Variants in CCDC172 observed in about 807,000 individuals in gnomAD.
CCDC172 encodes coiled-coil domain-containing protein 172.
CCDC172 carries 30 observed loss-of-function variants against 38.0 expected under a neutral mutation model. That is an observed-to-expected ratio of 0.79 (90% CI 0.59 to 1.07). The LOEUF (loss-of-function observed/expected upper bound fraction) is 1.07. CCDC172 is among the 50% of genes least tolerant of loss of function. The pLI, the probability that CCDC172 is intolerant of heterozygous loss-of-function variation, is 0.00. For synonymous variants in CCDC172, 78 were observed against 88.3 expected (o/e 0.88, Z 0.66); for missense variants, 297 against 290.1 (o/e 1.02, Z -0.17).
Position 116,340,742 on chromosome 10 carries a change from G to GT in CCDC172, c.180dup (p.Glu61Ter), listed in dbSNP as rs779626879. 1 of 1,567,254 alleles carries GT rather than the reference G, an allele frequency of 6.4e-7. No individual in the cohort carries two copies. The highest frequency in any genetic ancestry group is 8.7e-7 in the Non-Finnish European group (1 of 1,146,204). On this transcript the variant is annotated frameshift_variant, in exon 4 of 9. Coordinates refer to ENST00000333254, the MANE Select transcript of CCDC172 (RefSeq NM_198515.3). LOFTEE classifies it high-confidence loss of function. ...GTTTTTGTACTTTGAAGGTTCAACA[G>GT]TTTTTTGAAAAATCCTTCTTCTTAC...
At chr10:116,342,608 T>G (rs1293595957) in intron 5 of CCDC172, among the ~76,000 whole-genome samples, 2 of 151,884 alleles carry the variant, frequency 1.3e-5, no homozygotes, top group East Asian at 3.9e-4. Context: ...CACAGTGGAG[T>G]GGAGAGAGTT....
intron 4 of CCDC172, among the ~76,000 whole-genome samples, chr10:116,341,730 T>G (rs1844797734): frequency 6.6e-6 from 1 of 151,854 alleles, no homozygotes; most frequent in South Asian, 2.1e-4. Flanking sequence ...AATTATAAAA[T>G]GTAATATGAT....
At chr10:116,340,029 T>A (rs1291245461) in intron 3 of CCDC172, among the ~76,000 whole-genome samples, 1 of 151,962 alleles carries the variant, frequency 6.6e-6, no homozygotes, top group Non-Finnish European at 1.5e-5. Flanking sequence ...GTATTTCCAG[T>A]CCAGCATCAT....
intron 5 of CCDC172, among the ~76,000 whole-genome samples, chr10:116,354,159 CAT>C (rs1452296324): frequency 2.6e-5 from 4 of 152,260 alleles, no homozygotes; most frequent in African/African-American, 9.6e-5. Flanking sequence ...CAACATATTA[CAT>C]GTTTTTGTGA....
Position 116,329,276 on chromosome 10 carries a change from T to C in CCDC172, c.165+3888T>C, listed in dbSNP as rs542475072. Among the ~76,000 whole-genome samples, 11 of 152,264 alleles carry C rather than the reference T, an allele frequency of 7.2e-5. No individual in the cohort carries two copies. In the South Asian group the frequency reaches 2.3e-3, roughly 32 times the overall value. On this transcript the variant is annotated intron_variant, in intron 3 of 8. Coordinates refer to ENST00000333254, the MANE Select transcript of CCDC172 (RefSeq NM_198515.3). ...GTCCTTTGAGTATTGTATTAGACATTGTCCAGTAGCTCACCTTCCTGAGGA... is the reference window on the plus strand; with the variant it reads ...GTCCTTTGAGTATTGTATTAGACATCGTCCAGTAGCTCACCTTCCTGAGGA...
intron 5 of CCDC172, among the ~76,000 whole-genome samples, chr10:116,356,735 T>C (rs1845001103): frequency 6.6e-6 from 1 of 152,188 alleles, no homozygotes; most frequent in African/African-American, 2.4e-5. Context: ...ATTAGCAATA[T>C]TGTGAAAGCT....
intron 7 of CCDC172, among the ~76,000 whole-genome samples, chr10:116,377,417 CT>C: frequency 6.6e-6 from 1 of 152,238 alleles, no homozygotes; most frequent in Non-Finnish European, 1.5e-5. Flanking sequence ...CTCTCATAAA[CT>C]TTAACAACTC....
intron 3 of CCDC172, among the ~76,000 whole-genome samples, chr10:116,332,413 G>GT (rs1485789216): frequency 6.6e-6 from 1 of 151,836 alleles, no homozygotes; most frequent in East Asian, 1.9e-4. Context: ...TTTTTTATTT[G>GT]TTTTTTGATG....
At chr10:116,365,140 G>C (rs772909216) in intron 7 of CCDC172, among the ~76,000 whole-genome samples, 1 of 152,042 alleles carries the variant, frequency 6.6e-6, no homozygotes, top group Non-Finnish European at 1.5e-5. Flanking sequence ...TATTGCTTTG[G>C]CTAGCTGCAA....
intron 3 of CCDC172, among the ~76,000 whole-genome samples, chr10:116,331,738 T>C (rs1844665605): frequency 6.6e-6 from 1 of 152,182 alleles, no homozygotes. Flanking sequence ...TTAGAAGAAC[T>C]TATCTCTCCT....
intron 3 of CCDC172, among the ~76,000 whole-genome samples, chr10:116,339,224 C>T (rs902136596): frequency 1.3e-5 from 2 of 151,928 alleles, no homozygotes; most frequent in African/African-American, 4.8e-5. Context: ...ATGCTCACAT[C>T]ATGATTTAGA....
chr10:116,376,933 TAGCC>T (rs1021071174), intron 7 of CCDC172, among the ~76,000 whole-genome samples: 1 of 152,040 alleles, frequency 6.6e-6, no homozygotes, highest in Non-Finnish European at 1.5e-5. Context: ...TTAATGAAAA[TAGCC>T]CTTATCTTCC....
At chr10:116,370,068 T>C (rs1050643010) in intron 7 of CCDC172, among the ~76,000 whole-genome samples, 1 of 151,974 alleles carries the variant, frequency 6.6e-6, no homozygotes, top group Non-Finnish European at 1.5e-5. Context: ...TTGTCCCTGA[T>C]TAGAAAATTT....
chr10:116,331,481 G>A (rs1844662210), intron 3 of CCDC172, among the ~76,000 whole-genome samples: 1 of 152,134 alleles, frequency 6.6e-6, no homozygotes, highest in African/African-American at 2.4e-5. Flanking sequence ...AGCTCCACAA[G>A]GGATAGAAAT....
At chr10:116,348,752 G>A (rs979866138) in intron 5 of CCDC172, among the ~76,000 whole-genome samples, 1 of 152,062 alleles carries the variant, frequency 6.6e-6, no homozygotes, top group Non-Finnish European at 1.5e-5. Context: ...GCCTCACCCA[G>A]CAGCTTCTTT....
At chr10:116,366,786 A>G (rs187059864) in intron 7 of CCDC172, among the ~76,000 whole-genome samples, 1 of 152,328 alleles carries the variant, frequency 6.6e-6, no homozygotes, top group Non-Finnish European at 1.5e-5. Flanking sequence ...TCATTAGCAC[A>G]TTATGAAATT....
chr10:116,361,911 A>G (rs1845069872), intron 7 of CCDC172, among the ~76,000 whole-genome samples: 1 of 152,178 alleles, frequency 6.6e-6, no homozygotes, highest in Non-Finnish European at 1.5e-5. Flanking sequence ...CAGGCGGGCC[A>G]GGTGTGGTGG....
chr10:116,369,345 C>T (rs1306629351), intron 7 of CCDC172, among the ~76,000 whole-genome samples: 1 of 151,976 alleles, frequency 6.6e-6, no homozygotes, highest in African/African-American at 2.4e-5. Context: ...TGCATTTTCA[C>T]TCACTGCTGT....
intron 5 of CCDC172, among the ~76,000 whole-genome samples, chr10:116,350,460 T>G (rs539269489): frequency 5.0e-4 from 76 of 152,294 alleles, no homozygotes; most frequent in Non-Finnish European, 6.9e-4. Context: ...CTTTAAGGTT[T>G]TTGGCCTGAG....
Sources: allele counts gnomAD v4.1 joint callset (sites outside exome capture counted in the v4.1 genomes callset), GRCh38; gene constraint gnomAD v4.1.1; transcripts MANE v1.5; gene names NCBI Gene and HGNC (gene_info 2026-07-23, HGNC 2026-07-21).